Variants in UBN2 observed in about 807,000 individuals in gnomAD.
UBN2 encodes ubinuclein 2, also known as ubinuclein-2.
A neutral mutation model predicts 120.2 loss-of-function variants in UBN2; 35 were observed. The observed-to-expected ratio is 0.29, with a 90% CI of 0.22 to 0.39. The LOEUF (loss-of-function observed/expected upper bound fraction) is 0.39, where lower values mean the gene tolerates loss of function less well. Ranked by LOEUF, UBN2 falls within the 10% of genes least tolerant of loss-of-function variation. UBN2 has a pLI of 1.00. For missense variants in UBN2, 1,693 were observed against 1,663.2 expected (o/e 1.02, Z -0.31); for synonymous variants, 661 against 648.7 (o/e 1.02, Z -0.29).
the UBN2 span, among the ~76,000 whole-genome samples, chr7:139,329,695 G>A: frequency 6.6e-6 from 1 of 151,948 alleles, no homozygotes; most frequent in Non-Finnish European, 1.5e-5. Flanking sequence ...GGATGCCTTG[G>A]AACGTCTTGT....
chr7:139,285,851 T>TC, intron 15 of UBN2, among the ~76,000 whole-genome samples: 1 of 152,234 alleles, frequency 6.6e-6, no homozygotes, highest in East Asian at 1.9e-4. Context: ...CAGGAGATTC[T>TC]CCTGCCTTAG....
intron 2 of UBN2, among the ~76,000 whole-genome samples, chr7:139,238,687 G>C (rs1166148333): frequency 6.6e-6 from 1 of 152,206 alleles, no homozygotes; most frequent in Non-Finnish European, 1.5e-5. Flanking sequence ...CTCCCAAAGA[G>C]CTGGGATTAC....
chr7:139,232,398 C>T (rs928728919), intron 1 of UBN2, among the ~76,000 whole-genome samples: 10 of 152,314 alleles, frequency 6.6e-5, no homozygotes, highest in African/African-American at 2.2e-4. Flanking sequence ...TTGTGTAACC[C>T]CTCTCGTATC....
At chr7:139,250,188 A>C (rs963739054) in intron 2 of UBN2, among the ~76,000 whole-genome samples, 1 of 151,972 alleles carries the variant, frequency 6.6e-6, no homozygotes, top group Admixed American at 6.6e-5. Flanking sequence ...GTGAGCTATA[A>C]CCATACCATG....
chr7:139,278,569 A>G (rs1269306439), intron 12 of UBN2, among the ~76,000 whole-genome samples: 1 of 151,938 alleles, frequency 6.6e-6, no homozygotes, highest in Non-Finnish European at 1.5e-5. Context: ...GAAAGTAGGA[A>G]TCTATGGGAT....
the UBN2 span, among the ~76,000 whole-genome samples, chr7:139,328,360 G>A: frequency 6.6e-6 from 1 of 152,132 alleles, no homozygotes; most frequent in Non-Finnish European, 1.5e-5. Context: ...GAATAGCAAG[G>A]GGGAGATCCA....
intron 2 of UBN2, among the ~76,000 whole-genome samples, chr7:139,245,866 G>A (rs1229616634): frequency 6.6e-6 from 1 of 152,176 alleles, no homozygotes; most frequent in East Asian, 1.9e-4. Flanking sequence ...TTGGTAGACA[G>A]TTTGAATGGA....
rs757863325 is a variant in UBN2 at position 139,283,895 on chromosome 7, A to G, written c.2990A>G (p.His997Arg). ...PSPGNGSQGS[H>R]PLVSRTVPST... ...CCTGGAAATGGTTCTCAAGGGTCCCACCCCCTGGTTTCTAGGACAGTACCT... is the reference window on the plus strand; with the variant it reads ...CCTGGAAATGGTTCTCAAGGGTCCCGCCCCCTGGTTTCTAGGACAGTACCT... The change falls in exon 15 of 18, where the codon CAC becomes CGC. Residue 997 changes from histidine (H) to arginine (R), a missense_variant. Physicochemically the swap from His to Arg is conservative, Grantham distance 29 (BLOSUM62 0). Transcript: ENST00000473989. The G allele has an allele frequency of 6.2e-7, 1 of 1,613,900 alleles. No homozygotes were observed. Among genetic ancestry groups the G allele is most frequent in the Non-Finnish European group, 8.5e-7 (1 of 1,179,974 alleles).
intron 17 of UBN2, among the ~76,000 whole-genome samples, chr7:139,295,725 A>G (rs1034238369): frequency 6.6e-5 from 10 of 152,198 alleles, no homozygotes; most frequent in African/African-American, 2.2e-4. Flanking sequence ...TTCGAGACCA[A>G]CCTGGTCAAC....
Position 139,283,124 on chromosome 7 carries a change from G to A in UBN2, c.2219G>A (p.Ser740Asn). The A allele has an allele frequency of 3.7e-6, 6 of 1,612,794 alleles. No homozygotes were observed. The highest frequency in any genetic ancestry group is 5.1e-6 in the Non-Finnish European group (6 of 1,179,870). Residue 740 changes from serine (S) to asparagine (N), a missense_variant, in exon 15 of 18, where the codon AGC becomes AAC. By Grantham distance (46) the Ser-to-Asn change is conservative. Around this residue, in one of 5 missense-constraint regions of UBN2, gnomAD observed 837 missense variants for 817.6 expected, o/e 1.02. Coordinates refer to ENST00000473989, the MANE Select transcript of UBN2 (RefSeq NM_173569.4). ...SSSTAAIAAA[S>N]SSSAPAQETI... ...AGCACAGCTGCCATTGCTGCAGCTA[G>A]CTCTAGCTCTGCACCAGCCCAAGAA...
chr7:139,316,765 A>ATGTG, the UBN2 span, among the ~76,000 whole-genome samples: 9 of 150,720 alleles, frequency 6.0e-5, 1 homozygote, highest in African/African-American at 2.2e-4. Flanking sequence ...AAAATTATGT[A>ATGTG]TGTGTGTGTG....
At chr7:139,326,444 C>T in the UBN2 span, among the ~76,000 whole-genome samples, 7 of 152,164 alleles carry the variant, frequency 4.6e-5, no homozygotes, top group Non-Finnish European at 7.3e-5. Context: ...CCAGCCCTGG[C>T]TTTATTTTTC....
intron 10 of UBN2, 36 bp from the exon 11 acceptor site, chr7:139,273,894 TA>T (rs35539520): frequency 6.5e-7 from 1 of 1,540,774 alleles, no homozygotes. Flanking sequence ...TATGTTCTTC[TA>T]AAAAAAGTTT....
At position 139,269,621 on chromosome 7, in the gene UBN2, CAT is replaced by C. The variant is rs1797202072; in HGVS notation, c.1596+101_1596+102del. The C allele has an allele frequency of 4.5e-5, 58 of 1,296,682 alleles. 2 individuals are homozygous for C. In the South Asian group the frequency reaches 7.5e-4, roughly 17 times the overall value. 80.3% of individuals were successfully genotyped at this position (1,296,682 alleles called of 1,614,324 possible). On this transcript the variant is annotated intron_variant, in intron 8 of 17. Transcript: ENST00000473989. The stretch of plus-strand genomic sequence containing the variant: ...CTTTGCACATTAATTGATTTATAGT[CAT>C]ATTGTATGTATTTAATAACCATAGG...
intron 3 of UBN2, among the ~76,000 whole-genome samples, chr7:139,252,655 A>G (rs1295404678): frequency 6.6e-6 from 1 of 152,132 alleles, no homozygotes; most frequent in Non-Finnish European, 1.5e-5. Flanking sequence ...TTATTTTCAT[A>G]TGCTCTGCTC....
At chr7:139,262,145 A>G (rs1796956328) in intron 6 of UBN2, among the ~76,000 whole-genome samples, 1 of 151,900 alleles carries the variant, frequency 6.6e-6, no homozygotes, top group Non-Finnish European at 1.5e-5. Flanking sequence ...GTCGTCACAC[A>G]GGCTGGAGTG....
In UBN2 at chr7:139,231,947, C is replaced by T; in HGVS notation, c.463C>T (p.Gln155Ter). Residue 155 changes from glutamine to a stop codon, truncating the protein, a stop_gained, in exon 1 of 18, where the codon CAA becomes TAA. Coordinates refer to ENST00000473989, the MANE Select transcript of UBN2 (RefSeq NM_173569.4). LOFTEE classifies it high-confidence loss of function. ...SYPELLLCGEQRKKLIHTEDP... is the reference protein window; with the variant it reads ...SYPELLLCGE ...CCCGGAGCTGCTGCTGTGCGGAGAACAACGGGTACAGAAGATTCTTCCCTC... is the reference window on the plus strand; with the variant it reads ...CCCGGAGCTGCTGCTGTGCGGAGAATAACGGGTACAGAAGATTCTTCCCTC... The T allele has an allele frequency of 6.3e-7, 1 of 1,580,382 alleles. No homozygotes were observed.
intron 12 of UBN2, among the ~76,000 whole-genome samples, chr7:139,279,017 C>A (rs1797526169): frequency 6.6e-6 from 1 of 151,822 alleles, no homozygotes; most frequent in African/African-American, 2.4e-5. Flanking sequence ...TAATTTGAGC[C>A]TGCGGTTCCT....
At position 139,284,086 on chromosome 7, in the gene UBN2, C is replaced by G. The variant is rs771159720; in HGVS notation, c.3181C>G (p.Pro1061Ala). The G allele has an allele frequency of 1.9e-6, 3 of 1,614,194 alleles. No individual in the cohort carries two copies. The highest frequency in any genetic ancestry group is 2.2e-5 in the South Asian group (2 of 91,080). The change falls in exon 15 of 18, where the codon CCC becomes GCC. Residue 1061 changes from proline (P) to alanine (A), a missense_variant. Pro to Ala is a conservative substitution (Grantham distance 27). Coordinates refer to ENST00000473989, the MANE Select transcript of UBN2 (RefSeq NM_173569.4). ...PLPSPKPSAS[P>A]KPSLSAKPSV... ...GCCCTCGCCTAAGCCTTCTGCCTCACCCAAGCCCTCTCTGTCAGCTAAGCC... is the reference window on the plus strand; with the variant it reads ...GCCCTCGCCTAAGCCTTCTGCCTCAGCCAAGCCCTCTCTGTCAGCTAAGCC...
Sources: gnomAD v4.1 joint callset for allele counts (sites outside exome capture counted in the v4.1 genomes callset) on GRCh38, gnomAD v4.1.1 for gene constraint, gnomAD v4.1.1 regional missense constraint, MANE v1.5 for transcripts, NCBI Gene and HGNC (gene_info 2026-07-23, HGNC 2026-07-21) for gene names.